Variants in SGCZ observed in about 807,000 individuals in gnomAD.
The protein encoded by SGCZ is sarcoglycan zeta.
A neutral mutation model predicts 41.3 loss-of-function variants in SGCZ; 40 were observed. That is an observed-to-expected ratio of 0.97 (90% CI 0.75 to 1.26). SGCZ has a LOEUF of 1.26. Ranked by LOEUF, SGCZ falls within the 50% of genes most tolerant of loss-of-function variation. SGCZ has a pLI of 0.00. For synonymous variants in SGCZ, 206 were observed against 137.5 expected, an observed-to-expected ratio of 1.50 and a Z score of -3.49; for missense variants, 552 against 369.8, an observed-to-expected ratio of 1.49 and a Z score of -4.04.
At chr8:14,907,866 T>C (rs1232616711) in intron 1 of SGCZ, among the ~76,000 whole-genome samples, 1 of 152,116 alleles carries the variant, frequency 6.6e-6, no homozygotes, top group Non-Finnish European at 1.5e-5. Flanking sequence ...CAAAATAATA[T>C]TTAGGATGTA....
intron 1 of SGCZ, among the ~76,000 whole-genome samples, chr8:14,879,595 GACACAC>G (rs33933535): frequency 0.052 from 7,599 of 147,048 alleles, 228 homozygotes; most frequent in Non-Finnish European, 0.062. Flanking sequence ...CAGACACACA[GACACAC>G]ACACACACAC....
At chr8:14,968,713 T>C (rs1801197402) in intron 1 of SGCZ, among the ~76,000 whole-genome samples, 1 of 152,080 alleles carries the variant, frequency 6.6e-6, no homozygotes. Flanking sequence ...ACTTCTAAGC[T>C]GAGTGTTTAA....
At chr8:14,238,195 C>T (rs1436622295) in intron 3 of SGCZ, among the ~76,000 whole-genome samples, 3 of 152,136 alleles carry the variant, frequency 2.0e-5, no homozygotes, top group Admixed American at 6.5e-5. Flanking sequence ...TTTAATTTTA[C>T]GTGTCTATCT....
intron 1 of SGCZ, among the ~76,000 whole-genome samples, chr8:14,582,581 A>G (rs1804926953): frequency 1.3e-5 from 2 of 150,820 alleles, no homozygotes; most frequent in African/African-American, 4.9e-5. Flanking sequence ...ACATATGTAT[A>G]CATGTGCCAT....
chr8:15,096,515 A>G (rs941738585), intron 1 of SGCZ, among the ~76,000 whole-genome samples: 19 of 152,160 alleles, frequency 1.2e-4, no homozygotes, highest in Non-Finnish European at 1.5e-5. Flanking sequence ...TGTGGGCATA[A>G]ACGTATCAAC....
At chr8:14,874,478 C>T (rs201692962) in intron 1 of SGCZ, among the ~76,000 whole-genome samples, 1 of 151,986 alleles carries the variant, frequency 6.6e-6, no homozygotes, top group Non-Finnish European at 1.5e-5. Flanking sequence ...TGAAATTATT[C>T]TTTATCCACC....
chr8:14,811,110 A>G (rs1801724914), intron 1 of SGCZ, among the ~76,000 whole-genome samples: 1 of 152,066 alleles, frequency 6.6e-6, no homozygotes, highest in Non-Finnish European at 1.5e-5. Context: ...GATTTTCTGT[A>G]AGAAATATAG....
At chr8:14,974,299 T>G (rs1283371585) in intron 1 of SGCZ, among the ~76,000 whole-genome samples, 3 of 152,232 alleles carry the variant, frequency 2.0e-5, no homozygotes, top group Non-Finnish European at 4.4e-5. Context: ...ATAGTATATG[T>G]GATATTGAAC....
At chr8:15,211,556 G>C (rs1341584144) in intron 1 of SGCZ, among the ~76,000 whole-genome samples, 3 of 152,030 alleles carry the variant, frequency 2.0e-5, no homozygotes, top group African/African-American at 7.3e-5. Flanking sequence ...AACCCCTTCT[G>C]TGTCTTGCCA....
At chr8:14,389,919 G>T (rs762279050) in intron 2 of SGCZ, among the ~76,000 whole-genome samples, 1 of 152,064 alleles carries the variant, frequency 6.6e-6, no homozygotes, top group South Asian at 2.1e-4. Flanking sequence ...ACTTCTCACA[G>T]TATGAAGTAA....
chr8:14,393,936 T>C (rs903877506), intron 2 of SGCZ, among the ~76,000 whole-genome samples: 6 of 152,210 alleles, frequency 3.9e-5, no homozygotes, highest in African/African-American at 4.8e-5. Context: ...TTTCTGACCA[T>C]ATTTTAAAAT....
At chr8:14,091,595 A>T (rs1801691063) in intron 7 of SGCZ, among the ~76,000 whole-genome samples, 1 of 152,062 alleles carries the variant, frequency 6.6e-6, no homozygotes, top group African/African-American at 2.4e-5. Flanking sequence ...GCATTTTTTC[A>T]TGTGTCTGTT....
intron 4 of SGCZ, among the ~76,000 whole-genome samples, chr8:14,230,791 C>T (rs1806538556): frequency 2.0e-5 from 3 of 149,332 alleles, no homozygotes; most frequent in Admixed American, 1.3e-4. Context: ...TCAAACATCT[C>T]TTAATAATCA....
intron 3 of SGCZ, among the ~76,000 whole-genome samples, chr8:14,271,947 C>T (rs1218078922): frequency 6.6e-6 from 1 of 152,148 alleles, no homozygotes; most frequent in Non-Finnish European, 1.5e-5. Context: ...ACCTAATTCC[C>T]ATGGGCCATT....
intron 1 of SGCZ, among the ~76,000 whole-genome samples, chr8:15,177,043 A>G (rs1800020303): frequency 6.6e-6 from 1 of 152,164 alleles, no homozygotes; most frequent in South Asian, 2.1e-4. Flanking sequence ...CTATATGAAA[A>G]CTATATGTTA....
intron 1 of SGCZ, among the ~76,000 whole-genome samples, chr8:14,980,152 C>T (rs1381674240): frequency 6.6e-6 from 1 of 152,098 alleles, no homozygotes; most frequent in African/African-American, 2.4e-5. Context: ...GGAATTCTTA[C>T]CTGTGGTCTA....
At chr8:14,562,741 G>A (rs977292552) in intron 1 of SGCZ, among the ~76,000 whole-genome samples, 1 of 152,148 alleles carries the variant, frequency 6.6e-6, no homozygotes, top group Non-Finnish European at 1.5e-5. Flanking sequence ...TTGTAGATGA[G>A]TGTCTGGGGG....
At chr8:14,380,870 CAAA>C (rs112541866) in intron 2 of SGCZ, among the ~76,000 whole-genome samples, 1 of 144,964 alleles carries the variant, frequency 6.9e-6, no homozygotes, top group Non-Finnish European at 1.5e-5. Flanking sequence ...AACAAACAAA[CAAA>C]AAAAAAAATT....
chr8:14,112,438 CT>C (rs1291570952), intron 5 of SGCZ, among the ~76,000 whole-genome samples: 1 of 152,018 alleles, frequency 6.6e-6, no homozygotes, highest in African/African-American at 2.4e-5. Flanking sequence ...GGTATCTTAG[CT>C]TTTCAGGTCC....
Sources: allele counts gnomAD v4.1 joint callset (sites outside exome capture counted in the v4.1 genomes callset), GRCh38; gene constraint gnomAD v4.1.1; transcripts MANE v1.5; gene names NCBI Gene and HGNC (gene_info 2026-07-23, HGNC 2026-07-21).